The following MYH16 variants were observed in gnomAD, a reference collection of about 807,000 sequenced individuals.
MYH16 encodes the protein myosin heavy chain 16.
chr7:99,247,329 C>T (rs1017673644), intron 2 of MYH16, among the ~76,000 whole-genome samples: 3 of 152,212 alleles, frequency 2.0e-5, no homozygotes, highest in Non-Finnish European at 2.9e-5. Context: ...TGCACCACCA[C>T]GCCCAGCTAA....
At chr7:99,268,163 C>T (rs1368323966) in intron 18 of MYH16, among the ~76,000 whole-genome samples, 1 of 152,166 alleles carries the variant, frequency 6.6e-6, no homozygotes, top group Non-Finnish European at 1.5e-5. Context: ...TGCCCTAGAA[C>T]CTGCTGGAAC....
At chr7:99,292,933 C>G (rs1792410739) in intron 32 of MYH16, among the ~76,000 whole-genome samples, 1 of 150,374 alleles carries the variant, frequency 6.7e-6, no homozygotes, top group Admixed American at 6.6e-5. Context: ...GCACTCCAGC[C>G]TGGATAACAG....
intron 21 of MYH16, among the ~76,000 whole-genome samples, chr7:99,277,916 T>A (rs113842202): frequency 0.05 from 6,652 of 131,774 alleles, 262 homozygotes; most frequent in East Asian, 0.21. Context: ...TGTGTGTGTG[T>A]GAGAGAGAGA....
intron 27 of MYH16, among the ~76,000 whole-genome samples, chr7:99,285,923 C>T (rs1372583244): frequency 2.6e-5 from 4 of 152,224 alleles, no homozygotes; most frequent in African/African-American, 9.6e-5. Context: ...ACCCCAAATT[C>T]AGCCAAATTG....
At chr7:99,246,458 T>C (rs1435781861) in intron 2 of MYH16, among the ~76,000 whole-genome samples, 1 of 152,138 alleles carries the variant, frequency 6.6e-6, no homozygotes, top group African/African-American at 2.4e-5. Context: ...TCCCAGCACT[T>C]TGGGAGGCTG....
intron 4 of MYH16, among the ~76,000 whole-genome samples, chr7:99,249,221 T>G (rs754992539): frequency 7.8e-4 from 118 of 152,196 alleles, no homozygotes; most frequent in Non-Finnish European, 1.4e-3. Flanking sequence ...TGCCTGTCTG[T>G]CCTAGCTAGG....
At position 99,273,338 on chromosome 7, in the gene MYH16, G is replaced by A. The variant is rs771478357; in HGVS notation, n.2404-4G>A. On this transcript the variant is annotated splice_polypyrimidine_tract_variant and splice_region_variant and intron_variant and non_coding_transcript_variant, in intron 19 of 41. Coordinates refer to ENST00000439784, the Ensembl canonical transcript of MYH16. ...ACCCACTCAACCCTGGATTCTTTTC[G>A]CAGAATGGGCCTGAAAGTCATTCAG... 11 of 456,674 alleles carry A rather than the reference G, an allele frequency of 2.4e-5. No individual in the cohort carries two copies. The highest frequency in any genetic ancestry group is 3.3e-4 in the Middle Eastern group (1 of 3,076). The allele number at this position is 456,674 out of a possible 1,614,324, so 28.3% of individuals were successfully genotyped here. A position where few individuals can be genotyped will look rare whatever the true frequency, so the allele number is the denominator to read the frequency against.
chr7:99,241,943 C>T (rs1180523970), intron 1 of MYH16, among the ~76,000 whole-genome samples: 2 of 152,008 alleles, frequency 1.3e-5, no homozygotes, highest in Non-Finnish European at 2.9e-5. Context: ...TCACTGCAAC[C>T]CCCGCCCCCT....
In MYH16 at chr7:99,287,919, G is replaced by GAGCTGCTGA. The variant is rs369755504; in HGVS notation, n.3495_3503dup. On this transcript the variant is annotated non_coding_transcript_exon_variant, in exon 29 of 42. Transcript: ENST00000439784. Reference sequence around the variant, plus strand: ...CGAGCAGAACCGCAAGCGGGAGGCTGAGCTGCTGAAGCTGCGGCGGGAGCT... The same window carrying GAGCTGCTGA: ...CGAGCAGAACCGCAAGCGGGAGGCTGAGCTGCTGAAGCTGCTGAAGCTGCGGCGGGAGCT... 2.3e-3 allele frequency: 1,037 copies of GAGCTGCTGA among 456,206 alleles called. 4 individuals carry two copies. The highest frequency in any genetic ancestry group is 2.9e-3 in the Admixed American group (124 of 42,572). 28.3% of individuals were successfully genotyped at this position (456,206 alleles called of 1,614,324 possible).
chr7:99,308,156 G>A (rs1290763814), downstream of MYH16, among the ~76,000 whole-genome samples: 2 of 151,804 alleles, frequency 1.3e-5, no homozygotes, highest in Non-Finnish European at 1.5e-5. Context: ...TTAGCCAGGC[G>A]TGATGGCACA....
At chr7:99,291,618 C>CCCCA (rs1554338952) in intron 31 of MYH16, among the ~76,000 whole-genome samples, 168 bp downstream of exon 12, 1 of 4,844 alleles carries the variant, frequency 2.1e-4, no homozygotes, top group African/African-American at 3.6e-4. Flanking sequence ...CACAGCAAGA[C>CCCCA]CCCCCCCCAC....
intron 13 of MYH16, among the ~76,000 whole-genome samples, chr7:99,262,825 G>A (rs536342938): frequency 1.3e-5 from 2 of 152,292 alleles, no homozygotes; most frequent in South Asian, 2.1e-4. Context: ...GTAAGACAGT[G>A]TGCATGCTCC....
At chr7:99,277,752 C>T (rs1192421604) in intron 21 of MYH16, 40 bp downstream of exon 3, 1 of 426,426 alleles carries the variant, frequency 2.3e-6, no homozygotes, top group Non-Finnish European at 4.7e-6. Flanking sequence ...GAAACCCATA[C>T]AGCCTGGACC....
chr7:99,293,849 TGA>T (rs1379971511), intron 32 of MYH16, among the ~76,000 whole-genome samples, 167 bp from the exon 14 acceptor site: 3 of 152,210 alleles, frequency 2.0e-5, no homozygotes, highest in East Asian at 1.9e-4. Flanking sequence ...AATGAATAAA[TGA>T]GAGAGTGAAT....
chr7:99,283,020 G>A (rs1327393068), intron 23 of MYH16, among the ~76,000 whole-genome samples: 1 of 152,122 alleles, frequency 6.6e-6, no homozygotes, highest in Admixed American at 6.5e-5. Context: ...TGGGATGTCC[G>A]GCATTGCTGG....
intron 32 of MYH16, among the ~76,000 whole-genome samples, chr7:99,293,108 C>G (rs1283056220): frequency 6.6e-6 from 1 of 152,082 alleles, no homozygotes; most frequent in Non-Finnish European, 1.5e-5. Context: ...AGTGAGCCAC[C>G]CTGGGCCAGG....
chr7:99,243,834 C>T (rs765013188), intron 2 of MYH16, among the ~76,000 whole-genome samples: 9 of 151,048 alleles, frequency 6.0e-5, no homozygotes, highest in Non-Finnish European at 1.0e-4. Context: ...TCTATCCATT[C>T]GTTCATCCAT....
intron 19 of MYH16, among the ~76,000 whole-genome samples, chr7:99,272,390 C>T (rs1437205837): frequency 2.0e-5 from 3 of 152,082 alleles, no homozygotes; most frequent in African/African-American, 7.2e-5. Flanking sequence ...CACTCCACAT[C>T]CCTGCCCTTG....
intron 1 of MYH16, among the ~76,000 whole-genome samples, chr7:99,239,204 G>A (rs889043597): frequency 2.6e-5 from 4 of 152,156 alleles, no homozygotes; most frequent in African/African-American, 9.7e-5. Flanking sequence ...TGTGGCCCTG[G>A]GCAAGACGCA....
Sources: gnomAD v4.1 joint callset for allele counts (sites outside exome capture counted in the v4.1 genomes callset) on GRCh38, gnomAD v4.1.1 for gene constraint, MANE v1.5 for transcripts, NCBI Gene and HGNC (gene_info 2026-07-23, HGNC 2026-07-21) for gene names.